The following KCNN2 variants were observed in gnomAD, a reference collection of about 807,000 sequenced individuals.
KCNN2 encodes potassium calcium-activated channel subfamily N member 2, also known as small conductance calcium-activated potassium channel protein 2.
In KCNN2, 24 loss-of-function variants were observed where a neutral mutation model predicts 55.5. The observed-to-expected ratio is 0.43, with a 90% CI of 0.31 to 0.61. KCNN2 has a LOEUF of 0.61. Ranked by LOEUF, KCNN2 falls within the 20% of genes least tolerant of loss-of-function variation. The probability of loss-of-function intolerance (pLI) is 0.08; values close to 1 mark genes in which losing one functional copy is unlikely to be tolerated. For missense variants in KCNN2, 754 were observed against 853.6 expected (o/e 0.88, Z 1.45); for synonymous variants, 431 against 336.1 (o/e 1.28, Z -3.09).
upstream of KCNN2, among the ~76,000 whole-genome samples, chr5:114,357,889 T>G (rs1757328229): frequency 6.6e-6 from 1 of 151,606 alleles, no homozygotes; most frequent in Admixed American, 6.6e-5. Context: ...ACTTCCACAA[T>G]GGTTGAACTA....
At chr5:114,245,759 T>C (rs1263555203) in intron 2 of KCNN2, among the ~76,000 whole-genome samples, 1 of 152,098 alleles carries the variant, frequency 6.6e-6, no homozygotes, top group Non-Finnish European at 1.5e-5. Flanking sequence ...CCTTTCACAG[T>C]TGAGGAAAGG....
At chr5:114,418,495 T>A (rs968787317) in intron 3 of KCNN2, among the ~76,000 whole-genome samples, 1 of 152,104 alleles carries the variant, frequency 6.6e-6, no homozygotes, top group Non-Finnish European at 1.5e-5. Flanking sequence ...CTTCGTCTTT[T>A]ATCTTGGATG....
At chr5:114,288,832 A>G (rs976679156) in intron 2 of KCNN2, among the ~76,000 whole-genome samples, 31 of 152,114 alleles carry the variant, frequency 2.0e-4, no homozygotes, top group Non-Finnish European at 4.6e-4. Flanking sequence ...CCTTCTTAAT[A>G]ATGTCCATTG....
At chr5:114,452,930 T>A (rs1760757412) in intron 3 of KCNN2, among the ~76,000 whole-genome samples, 1 of 152,230 alleles carries the variant, frequency 6.6e-6, no homozygotes, top group South Asian at 2.1e-4. Flanking sequence ...TTTATTTGCC[T>A]TTACTTCAAA....
At chr5:114,259,600 C>T (rs889049126) in intron 2 of KCNN2, among the ~76,000 whole-genome samples, 7 of 151,962 alleles carry the variant, frequency 4.6e-5, no homozygotes, top group Admixed American at 1.3e-4. Flanking sequence ...GCACATGTAC[C>T]GTAAAACTTA....
At chr5:114,423,113 A>G (rs1759517833) in intron 3 of KCNN2, among the ~76,000 whole-genome samples, 1 of 152,230 alleles carries the variant, frequency 6.6e-6, no homozygotes, top group Admixed American at 6.5e-5. Context: ...ATGGAGTACT[A>G]TACCACTGAT....
chr5:114,474,449 A>T (rs914475982), intron 5 of KCNN2, among the ~76,000 whole-genome samples: 2 of 152,072 alleles, frequency 1.3e-5, no homozygotes, highest in South Asian at 4.1e-4. Flanking sequence ...TCCATGACTT[A>T]CTCTCATTTT....
chr5:114,249,271 T>C (rs1448765190), intron 2 of KCNN2, among the ~76,000 whole-genome samples: 1 of 56,680 alleles, frequency 1.8e-5, no homozygotes, highest in Non-Finnish European at 4.2e-5. Flanking sequence ...TATATTTCTT[T>C]TTCTTTCTTT....
intron 6 of KCNN2, 115 bp downstream of exon 6, chr5:114,487,292 C>G: frequency 1.1e-6 from 1 of 912,684 alleles, no homozygotes; most frequent in South Asian, 1.6e-5. Context: ...ATGTTTATTC[C>G]CAGAAGATGT....
At chr5:114,223,676 A>G (rs1001410507) in intron 2 of KCNN2, among the ~76,000 whole-genome samples, 5 of 152,114 alleles carry the variant, frequency 3.3e-5, no homozygotes, top group African/African-American at 1.2e-4. Flanking sequence ...ACAACACTAC[A>G]TTTTTCACAG....
intron 1 of KCNN2, among the ~76,000 whole-genome samples, chr5:114,189,857 G>C (rs1190717434): frequency 6.6e-6 from 1 of 152,030 alleles, no homozygotes; most frequent in Non-Finnish European, 1.5e-5. Context: ...GGGATAAAGT[G>C]GTGTTGGGAC....
intron 3 of KCNN2, among the ~76,000 whole-genome samples, chr5:114,462,649 A>G (rs1377387700): frequency 1.3e-5 from 2 of 152,188 alleles, no homozygotes; most frequent in African/African-American, 4.8e-5. Context: ...AGCAAAGGGA[A>G]CATCATAATT....
At chr5:114,157,380 C>T (rs1752658618) in intron 1 of KCNN2, among the ~76,000 whole-genome samples, 1 of 152,028 alleles carries the variant, frequency 6.6e-6, no homozygotes, top group Admixed American at 6.6e-5. Context: ...GTATATGTGC[C>T]ACATTTTCTT....
At chr5:114,181,188 A>G (rs1430723275) in intron 1 of KCNN2, among the ~76,000 whole-genome samples, 1 of 152,188 alleles carries the variant, frequency 6.6e-6, no homozygotes, top group Non-Finnish European at 1.5e-5. Flanking sequence ...TTAGTTTTCC[A>G]GAAAATGCCA....
intron 1 of KCNN2, among the ~76,000 whole-genome samples, chr5:114,117,642 A>T (rs1415405265): frequency 6.6e-6 from 1 of 152,140 alleles, no homozygotes; most frequent in East Asian, 1.9e-4. Context: ...ATAAGATTTG[A>T]CCTATTTAGA....
intron 1 of KCNN2, among the ~76,000 whole-genome samples, chr5:114,147,483 C>T (rs920810313): frequency 6.6e-6 from 1 of 152,064 alleles, no homozygotes; most frequent in African/African-American, 2.4e-5. Context: ...GGAAGAAATA[C>T]CCATTCAACA....
chr5:114,472,277 A>G (rs2150123910), intron 4 of KCNN2, among the ~76,000 whole-genome samples: 1 of 152,310 alleles, frequency 6.6e-6, no homozygotes, highest in Non-Finnish European at 1.5e-5. Flanking sequence ...TGGAATGAGC[A>G]CACCTTGATC....
At chr5:114,460,750 A>G (rs1218875479) in intron 3 of KCNN2, among the ~76,000 whole-genome samples, 1 of 152,220 alleles carries the variant, frequency 6.6e-6, no homozygotes. Flanking sequence ...CAAATTAGAA[A>G]ATGCAAGTTA....
At chr5:114,198,398 G>A (rs1347048610) in intron 1 of KCNN2, among the ~76,000 whole-genome samples, 1 of 148,644 alleles carries the variant, frequency 6.7e-6, no homozygotes, top group Non-Finnish European at 1.5e-5. Flanking sequence ...ATGTGTATGT[G>A]TATATATATC....
Sources: allele counts gnomAD v4.1 joint callset (sites outside exome capture counted in the v4.1 genomes callset), GRCh38; gene constraint gnomAD v4.1.1; transcripts MANE v1.5; gene names NCBI Gene and HGNC (gene_info 2026-07-23, HGNC 2026-07-21).